The following GON4L variants were observed in gnomAD, a reference collection of about 807,000 sequenced individuals.
GON4L encodes the protein GON-4-like protein.
GON4L carries 87 observed loss-of-function variants against 211.8 expected under a neutral mutation model. That is an observed-to-expected ratio of 0.41 (90% confidence interval 0.35 to 0.49). The LOEUF (loss-of-function observed/expected upper bound fraction) is 0.49. Ranked by LOEUF, GON4L falls within the 20% of genes least tolerant of loss-of-function variation. The pLI is 0.15. For synonymous variants in GON4L, 875 were observed against 962.6 expected (o/e 0.91, Z 1.68); for missense variants, 2,155 against 2,659.5 (o/e 0.81, Z 4.17).
chr1:155,823,176 G>A (rs890425760), intron 3 of GON4L, among the ~76,000 whole-genome samples: 12 of 152,136 alleles, frequency 7.9e-5, no homozygotes, highest in African/African-American at 2.7e-4. Context: ...TGATCCACTC[G>A]CCTCAGCCTC....
rs1316380133 is a variant in GON4L at position 155,785,142 on chromosome 1, A to G, written c.1788+192T>C. 4 of 684,720 alleles carry G rather than the reference A, an allele frequency of 5.8e-6. No homozygotes were observed. In the East Asian group the frequency reaches 1.1e-4, roughly 19 times the overall value. The allele number at this position is 684,720 out of a possible 1,614,324, so 42.4% of individuals were successfully genotyped here. A position where few individuals can be genotyped will look rare whatever the true frequency, so the allele number is the denominator to read the frequency against. On this transcript the variant is annotated intron_variant, in intron 13 of 31. Transcript: ENST00000368331. ...AGGAAAATGTTAATAAGAACAACAT[A>G]CATGTATATAATCAAGAGTCTAGTA... is the stretch of plus-strand genomic sequence containing the variant.
rs1667284320 is a variant in GON4L, at chr1:155,807,725, A to AAAAAAT, written c.1453-2585_1453-2584insATTTTT. 2.0e-5 allele frequency among the ~76,000 whole-genome samples: 3 copies of AAAAAAT among 149,930 alleles called. 1 individual carries two copies. Among genetic ancestry groups the AAAAAAT allele is most frequent in the Non-Finnish European group, 4.4e-5 (3 of 67,466 alleles). The stretch of plus-strand genomic sequence containing the variant: ...TCTCAAAAAAAAAAAAAAAAAAAAA[A>AAAAAAT]GAAAATCAGAAAGTGTGAGACCTCC... On this transcript the variant is annotated intron_variant, in intron 10 of 31. Transcript: ENST00000368331.
chr1:155,754,197 A>C (rs1660909124), intron 28 of GON4L, 178 bp downstream of exon 28: 1 of 662,114 alleles, frequency 1.5e-6, no homozygotes. Context: ...CTCTTTAAAA[A>C]ACAAAATCTA....
intron 19 of GON4L, among the ~76,000 whole-genome samples, chr1:155,770,862 TAAC>T (rs138545920): frequency 0.027 from 4,154 of 152,172 alleles, 187 homozygotes; most frequent in African/African-American, 0.092. Flanking sequence ...AGAGTCTGTC[TAAC>T]AACAACAACA....
intron 5 of GON4L, among the ~76,000 whole-genome samples, chr1:155,821,160 G>A (rs988709248): frequency 6.6e-6 from 1 of 152,046 alleles, no homozygotes; most frequent in African/African-American, 2.4e-5. Context: ...CAGCTACTCA[G>A]GAGGCTGAGG....
chr1:155,745,742 A>C, downstream of GON4L: 1 of 1,054,838 alleles, frequency 9.5e-7, no homozygotes, highest in South Asian at 1.5e-5. Context: ...CGCCAGTATA[A>C]CACCCGCCCA....
intron 18 of GON4L, 107 bp from the exon 19 acceptor site, chr1:155,771,324 C>CCTTGTCTCAAG: frequency 6.8e-7 from 1 of 1,476,440 alleles, no homozygotes. Context: ...TTTCTTGAGA[C>CCTTGTCTCAAG]AAGGTCTCAC....
chr1:155,822,980 A>C (rs1434748704), intron 3 of GON4L, among the ~76,000 whole-genome samples: 1 of 152,086 alleles, frequency 6.6e-6, no homozygotes, highest in Non-Finnish European at 1.5e-5. Flanking sequence ...TTTTTAGTAG[A>C]GATAGGGTTT....
At position 155,847,433 on chromosome 1, in the gene GON4L, G is replaced by A. The variant is rs1280125661; in HGVS notation, c.505+5843C>T. Among the ~76,000 whole-genome samples the A allele has an allele frequency of 1.2e-4, 18 of 152,308 alleles. No homozygotes were observed. The East Asian group carries it at 3.3e-3, about 28-fold the overall frequency. On this transcript the variant is annotated intron_variant, in intron 2 of 31. Coordinates refer to ENST00000368331, the MANE Select transcript of GON4L (RefSeq NM_001282860.2). ...AAAAATACAAAAAAAGCCAGGTGCAGTGACTCAAGCCTGTAATTCCAGCAC... is the reference window on the plus strand; with the variant it reads ...AAAAATACAAAAAAAGCCAGGTGCAATGACTCAAGCCTGTAATTCCAGCAC...
chr1:155,751,958 A>G lies in GON4L; in HGVS notation c.6473+2T>C. The G allele has an allele frequency of 6.2e-7, 1 of 1,611,804 alleles. No homozygotes were observed. Among genetic ancestry groups the G allele is most frequent in the South Asian group, 1.1e-5 (1 of 91,034 alleles). ...AAACACACGTCATCCACCCTTACCT[A>G]CCTTGTCCACAGGACAACCTTTTCC... On this transcript the variant is annotated splice_donor_variant, in intron 30 of 31. Coordinates refer to ENST00000368331, the MANE Select transcript of GON4L (RefSeq NM_001282860.2). LOFTEE classifies it high-confidence loss of function.
chr1:155,820,775 G>T, intron 5 of GON4L, 119 bp from the exon 6 acceptor site: 1 of 748,876 alleles, frequency 1.3e-6, no homozygotes, highest in Non-Finnish European at 2.4e-6. Flanking sequence ...GAGGCAAGGA[G>T]TTTGAGACCA....
chr1:155,846,856 C>T (rs560421279), intron 2 of GON4L, among the ~76,000 whole-genome samples: 1 of 151,914 alleles, frequency 6.6e-6, no homozygotes, highest in South Asian at 2.1e-4. Flanking sequence ...ACTAAAAATA[C>T]AAAAATTAGC....
chr1:155,845,460 T>C (rs980431788), intron 2 of GON4L: 8 of 348,784 alleles, frequency 2.3e-5, no homozygotes, highest in Non-Finnish European at 3.4e-5. Flanking sequence ...ATCAGCAAGG[T>C]TGGAAACCAG....
At chr1:155,814,971 G>C (rs1030709681) in intron 8 of GON4L, among the ~76,000 whole-genome samples, 1 of 151,862 alleles carries the variant, frequency 6.6e-6, no homozygotes, top group African/African-American at 2.4e-5. Flanking sequence ...AAATTAGCCA[G>C]GCATGGTAGC....
At chr1:155,746,832 T>C (rs773403759), downstream of GON4L, 12 of 1,587,066 alleles carry the variant, frequency 7.6e-6, no homozygotes, top group Admixed American at 1.7e-5. Context: ...AGGAACTCTA[T>C]CCCAAGAACC....
intron 2 of GON4L, among the ~76,000 whole-genome samples, chr1:155,844,343 C>T (rs1671036574): frequency 1.3e-5 from 2 of 152,160 alleles, no homozygotes; most frequent in Non-Finnish European, 2.9e-5. Flanking sequence ...AGACCGACTG[C>T]ACATATATTA....
At chr1:155,804,696 T>C (rs1666978493) in intron 11 of GON4L, among the ~76,000 whole-genome samples, 1 of 150,610 alleles carries the variant, frequency 6.6e-6, no homozygotes, top group South Asian at 2.1e-4. Context: ...GGGGTAGGAT[T>C]GCTTGAGCCC....
At chr1:155,836,539 C>T (rs558628276) in intron 2 of GON4L, among the ~76,000 whole-genome samples, 1 of 152,322 alleles carries the variant, frequency 6.6e-6, no homozygotes, top group Admixed American at 6.5e-5. Context: ...TGAGCCACCA[C>T]GCCTGGCCGA....
Position 155,750,740 on chromosome 1 carries a change from A to C in GON4L, c.6577-7T>G, listed in dbSNP as rs1040891843. On this transcript the variant is annotated splice_polypyrimidine_tract_variant and splice_region_variant and intron_variant, in intron 31 of 31. Transcript: ENST00000368331. ...CTCGAAAACGGTGGGAAACCTAAGA[A>C]AGGAGGAGGGCTGTATTCACTGGTC... 3.2e-6 allele frequency: 5 copies of C among 1,571,804 alleles called. No individual in the cohort carries two copies. The highest frequency in any genetic ancestry group is 4.3e-6 in the Non-Finnish European group (5 of 1,158,776).
Sources: gnomAD v4.1 joint callset for allele counts (sites outside exome capture counted in the v4.1 genomes callset) on GRCh38, gnomAD v4.1.1 for gene constraint, MANE v1.5 for transcripts, NCBI Gene and HGNC (gene_info 2026-07-23, HGNC 2026-07-21) for gene names.